Variants in CEP126 observed in about 807,000 individuals in gnomAD.
The protein encoded by CEP126 is centrosomal protein 126, also known as centrosomal protein of 126 kDa.
In CEP126, 74 loss-of-function variants were observed where a neutral mutation model predicts 107.8. The observed-to-expected ratio is 0.69, with a 90% CI of 0.57 to 0.83. The LOEUF (loss-of-function observed/expected upper bound fraction) is 0.83. CEP126 is among the 40% of genes least tolerant of loss of function. The pLI is 0.00. For missense variants in CEP126, 1,237 were observed against 1,281.9 expected, an observed-to-expected ratio of 0.96 and a Z score of 0.53; for synonymous variants, 449 against 446.0, an observed-to-expected ratio of 1.01 and a Z score of -0.08.
intron 4 of CEP126, among the ~76,000 whole-genome samples, chr11:101,954,510 C>T (rs1254187424): frequency 1.3e-5 from 2 of 152,158 alleles, no homozygotes; most frequent in Non-Finnish European, 2.9e-5. Context: ...AAATAACACA[C>T]ATCATCTTTG....
intron 1 of CEP126, 136 bp downstream of exon 1, chr11:101,915,548 G>A: frequency 2.6e-6 from 3 of 1,175,152 alleles, no homozygotes; most frequent in Non-Finnish European, 3.6e-6. Context: ...ATTTCCTTTA[G>A]CAACTGTCGT....
At chr11:101,961,653 T>C in intron 5 of CEP126, 88 bp from the exon 6 acceptor site, 2 of 677,354 alleles carry the variant, frequency 3.0e-6, no homozygotes, top group Non-Finnish European at 5.0e-6. Flanking sequence ...GCAAGGAGAA[T>C]TGGGCTCAGT....
At chr11:101,978,931 C>T (rs1206799778) in intron 7 of CEP126, among the ~76,000 whole-genome samples, 1 of 152,056 alleles carries the variant, frequency 6.6e-6, no homozygotes, top group African/African-American at 2.4e-5. Flanking sequence ...GAGTTCAAGA[C>T]CAGCCTGACC....
intron 2 of CEP126, among the ~76,000 whole-genome samples, chr11:101,943,364 G>A (rs979822953): frequency 6.6e-6 from 1 of 151,936 alleles, no homozygotes; most frequent in Non-Finnish European, 1.5e-5. Flanking sequence ...GCCAGGAGAG[G>A]TCTTTAGAAA....
Position 101,993,716 on chromosome 11 carries a change from G to A in CEP126, c.3309+874G>A, listed in dbSNP as rs563551592. ...TTTCTCCACAGCCTCACCAGTATCT[G>A]CTATTTTTTGACTTTTTAATAATAG... is the stretch of plus-strand genomic sequence containing the variant. On this transcript the variant is annotated intron_variant, in intron 10 of 10. Coordinates refer to ENST00000263468, the MANE Select transcript of CEP126 (RefSeq NM_020802.4). 5.3e-5 allele frequency among the ~76,000 whole-genome samples: 8 copies of A among 152,272 alleles called. No homozygotes were observed. In the South Asian group the frequency reaches 1.5e-3, roughly 28 times the overall value.
intron 10 of CEP126, among the ~76,000 whole-genome samples, chr11:101,993,773 T>A (rs1386954152): frequency 6.6e-6 from 1 of 152,236 alleles, no homozygotes; most frequent in Non-Finnish European, 1.5e-5. Context: ...GTTATCTCAT[T>A]GTGGTTTTGA....
intron 4 of CEP126, among the ~76,000 whole-genome samples, chr11:101,950,753 G>A (rs1225358055): frequency 2.6e-5 from 4 of 152,194 alleles, no homozygotes; most frequent in Admixed American, 2.6e-4. Context: ...AGAGTGTCGG[G>A]ACTACAGGAT....
At chr11:101,916,583 C>G (rs988042558) in intron 1 of CEP126, 4 of 152,158 alleles carry the variant, frequency 2.6e-5, no homozygotes, top group Non-Finnish European at 4.4e-5. Flanking sequence ...AAATTGCCCT[C>G]TTAAAGGTTA....
At chr11:101,991,701 T>A (rs966937688) in intron 9 of CEP126, among the ~76,000 whole-genome samples, 1 of 152,112 alleles carries the variant, frequency 6.6e-6, no homozygotes, top group African/African-American at 2.4e-5. Flanking sequence ...AATTTGAATA[T>A]AGGTCAATAG....
intron 5 of CEP126, among the ~76,000 whole-genome samples, chr11:101,960,930 CAG>C (rs1025939679): frequency 3.4e-4 from 51 of 151,892 alleles, no homozygotes; most frequent in African/African-American, 1.0e-3. Context: ...TGTGAGAAAA[CAG>C]AAATATTTTT....
chr11:101,981,168 A>ATAAT (rs10665588), intron 7 of CEP126, among the ~76,000 whole-genome samples: 9,039 of 152,302 alleles, frequency 0.059, 485 homozygotes, highest in East Asian at 0.27. Flanking sequence ...GTCACGTAAG[A>ATAAT]TAATTACCTA....
rs1051723620 is a variant in CEP126, at chr11:101,994,262, A to G, written c.3309+1420A>G. Among the ~76,000 whole-genome samples, 4 of 152,302 alleles carry G rather than the reference A, an allele frequency of 2.6e-5. No individual in the cohort carries two copies. In the East Asian group the frequency reaches 7.7e-4, roughly 29 times the overall value. Reference sequence around the variant, plus strand: ...AAAAGATTTTTTAAAAAGATTCTGGATGTTAGAACTTTGTCAGATGCATAG... The same window carrying G: ...AAAAGATTTTTTAAAAAGATTCTGGGTGTTAGAACTTTGTCAGATGCATAG... On this transcript the variant is annotated intron_variant, in intron 10 of 10. Coordinates refer to ENST00000263468, the MANE Select transcript of CEP126 (RefSeq NM_020802.4).
chr11:101,974,004 A>G (rs1256477291), intron 6 of CEP126, among the ~76,000 whole-genome samples: 4 of 151,518 alleles, frequency 2.6e-5, no homozygotes, highest in African/African-American at 4.9e-5. Flanking sequence ...TGGTATTTTT[A>G]CTCTTTCTAA....
In CEP126 at chr11:101,962,263, A is replaced by G. The variant is rs1940985591; in HGVS notation, c.1228A>G (p.Thr410Ala). 1.9e-6 allele frequency: 3 copies of G among 1,613,802 alleles called. No homozygotes were observed. Among genetic ancestry groups the G allele is most frequent in the Non-Finnish European group, 2.5e-6 (3 of 1,179,854 alleles). The change falls in exon 6 of 11, where the codon ACT becomes GCT. Residue 410 changes from threonine (T) to alanine (A), a missense_variant. Physicochemically the swap from Thr to Ala is moderately conservative, Grantham distance 58. Around this residue, in one of 3 missense-constraint regions of CEP126, gnomAD observed 1,134 missense variants for 1,150.5 expected, o/e 0.99. Transcript: ENST00000263468. ...GAFKRERPLV[T>A]ESPTFKFSKS... ...ATTCAAAAGAGAGAGACCATTAGTT[A>G]CTGAGAGCCCAACATTTAAATTTAG...
intron 4 of CEP126, among the ~76,000 whole-genome samples, chr11:101,949,418 A>G (rs948636261): frequency 2.0e-5 from 3 of 152,208 alleles, no homozygotes; most frequent in Admixed American, 6.5e-5. Flanking sequence ...TAGAAATTAT[A>G]TAGCCTAGAG....
intron 6 of CEP126, among the ~76,000 whole-genome samples, chr11:101,965,199 G>A (rs551996410): frequency 6.6e-6 from 1 of 152,244 alleles, no homozygotes; most frequent in South Asian, 2.1e-4. Context: ...CTGCCAATAG[G>A]AAACAGTTGC....
At chr11:101,960,284 ACTT>A (rs1475212496) in intron 5 of CEP126, among the ~76,000 whole-genome samples, 13 of 152,302 alleles carry the variant, frequency 8.5e-5, no homozygotes, top group African/African-American at 2.6e-4. Context: ...AAGTTGCCAA[ACTT>A]CTTCTGAGGT....
chr11:101,962,958 C>T lies in CEP126; in HGVS notation c.1923C>T (p.Asn641=), dbSNP rs751830921. 11 of 1,610,664 alleles carry T rather than the reference C, an allele frequency of 6.8e-6. No individual in the cohort carries two copies. The highest frequency in any genetic ancestry group is 8.5e-6 in the Non-Finnish European group (10 of 1,179,116). Residue 641 remains asparagine (N), a synonymous_variant, in exon 6 of 11, where the codon AAC becomes AAT. Coordinates refer to ENST00000263468, the MANE Select transcript of CEP126 (RefSeq NM_020802.4). ...TTGATGAAACTAGCAATATAGAAAA[C>T]AATGCTGAAAACAGTCATTCACTGA... is the stretch of plus-strand genomic sequence containing the variant. ...RWFDETSNIE[N]NAENSHSLKN...
At chr11:101,960,715 G>C (rs562936649) in intron 5 of CEP126, among the ~76,000 whole-genome samples, 1 of 151,142 alleles carries the variant, frequency 6.6e-6, no homozygotes, top group Non-Finnish European at 1.5e-5. Flanking sequence ...TTACTTACTG[G>C]GATAGAAAAA....
Sources: gnomAD v4.1 joint callset for allele counts (sites outside exome capture counted in the v4.1 genomes callset) on GRCh38, gnomAD v4.1.1 for gene constraint, gnomAD v4.1.1 regional missense constraint, MANE v1.5 for transcripts, NCBI Gene and HGNC (gene_info 2026-07-23, HGNC 2026-07-21) for gene names.